Variants in PIWIL2 observed in about 807,000 individuals in gnomAD.
The protein encoded by PIWIL2 is piwi like RNA-mediated gene silencing 2.
PIWIL2 carries 81 observed loss-of-function variants against 116.5 expected under a neutral mutation model. The observed-to-expected ratio is 0.70, with a 90% CI of 0.58 to 0.84. The LOEUF is 0.84. Among genes scored for constraint, PIWIL2 ranks in the 40% least tolerant of loss-of-function variants. The pLI is 0.00. For synonymous variants in PIWIL2, 489 were observed against 429.5 expected, an observed-to-expected ratio of 1.14 and a Z score of -1.71; for missense variants, 1,272 against 1,212.3, an observed-to-expected ratio of 1.05 and a Z score of -0.73.
At chr8:22,327,333 T>A (rs1831747959) in intron 20 of PIWIL2, among the ~76,000 whole-genome samples, 1 of 150,644 alleles carries the variant, frequency 6.6e-6, no homozygotes, top group Non-Finnish European at 1.5e-5. Context: ...TCAGTTTTTT[T>A]AAATCATCAC....
intron 16 of PIWIL2, 147 bp from the exon 17 acceptor site, chr8:22,314,181 G>A: frequency 7.0e-6 from 3 of 429,240 alleles, no homozygotes; most frequent in Non-Finnish European, 1.3e-5. Flanking sequence ...CCTTGTTCTG[G>A]TTGGAATGTC....
At chr8:22,283,330 G>A in intron 5 of PIWIL2, 90 bp downstream of exon 5, 2 of 996,928 alleles carry the variant, frequency 2.0e-6, no homozygotes, top group South Asian at 1.4e-5. Context: ...ATCTGTTTGT[G>A]TTGGGTCCTC....
At chr8:22,329,543 A>G (rs1314338082) in intron 20 of PIWIL2, among the ~76,000 whole-genome samples, 1 of 152,258 alleles carries the variant, frequency 6.6e-6, no homozygotes, top group African/African-American at 2.4e-5. Context: ...GTAAACTCAA[A>G]GCAAGAGCTC....
At chr8:22,325,177 A>G (rs371013963) in intron 20 of PIWIL2, among the ~76,000 whole-genome samples, 14 of 152,294 alleles carry the variant, frequency 9.2e-5, no homozygotes, top group African/African-American at 3.4e-4. Context: ...GCCCCCAGGG[A>G]AGAATTATAA....
chr8:22,350,135 A>C (rs974337471), intron 20 of PIWIL2, among the ~76,000 whole-genome samples: 2 of 152,196 alleles, frequency 1.3e-5, no homozygotes, highest in Admixed American at 6.5e-5. Context: ...AGAATTATCT[A>C]CCCACAAATG....
At chr8:22,333,414 C>T (rs1259823368) in intron 20 of PIWIL2, among the ~76,000 whole-genome samples, 2 of 152,006 alleles carry the variant, frequency 1.3e-5, no homozygotes, top group Non-Finnish European at 2.9e-5. Flanking sequence ...GAGTTCGAGA[C>T]CAGCCTGACC....
chr8:22,296,020 CTTTTTTTTTTTTTTTTTTTTTTTTTT>C (rs67357452), intron 10 of PIWIL2, among the ~76,000 whole-genome samples: 14 of 102,842 alleles, frequency 1.4e-4, no homozygotes, highest in Non-Finnish European at 2.0e-4. Flanking sequence ...CTCTTCCCTT[CTTTTTTTTTTTTTTTTTTTTTTTTTT>C]TTTTTTTTTT....
chr8:22,290,406 C>T, intron 10 of PIWIL2, 60 bp downstream of exon 10: 1 of 919,044 alleles, frequency 1.1e-6, no homozygotes, highest in Non-Finnish European at 1.8e-6. Context: ...AGTTCAGTAA[C>T]AGCTGGTAAT....
rs182940199 is a variant in PIWIL2 at position 22,332,402 on chromosome 8, G to T, written c.2403+14127G>T. Reference sequence around the variant, plus strand: ...TACATAAGAAGTGGCTCAGAAGGAGGTTAAAGAAGGCAGAAACATCTGAAA... The same window carrying T: ...TACATAAGAAGTGGCTCAGAAGGAGTTTAAAGAAGGCAGAAACATCTGAAA... On this transcript the variant is annotated intron_variant, in intron 20 of 22. Transcript: ENST00000356766. Among the ~76,000 whole-genome samples, 30 of 152,150 alleles carry T rather than the reference G, an allele frequency of 2.0e-4. 1 individual carries two copies. The East Asian group carries it at 5.0e-3, about 25-fold the overall frequency.
At chr8:22,292,277 C>T (rs1397007428) in intron 10 of PIWIL2, among the ~76,000 whole-genome samples, 1 of 151,172 alleles carries the variant, frequency 6.6e-6, no homozygotes, top group African/African-American at 2.4e-5. Context: ...CCAACTTGGA[C>T]TGTTGAAAGG....
chr8:22,346,889 T>G (rs1022915510), intron 20 of PIWIL2, among the ~76,000 whole-genome samples: 1 of 151,402 alleles, frequency 6.6e-6, no homozygotes, highest in Admixed American at 6.6e-5. Context: ...CTAAGGAAAA[T>G]TTTTAGTTGG....
At chr8:22,351,162 A>G (rs1406975867) in intron 20 of PIWIL2, among the ~76,000 whole-genome samples, 1 of 151,268 alleles carries the variant, frequency 6.6e-6, no homozygotes, top group Non-Finnish European at 1.5e-5. Context: ...AAAAAAAATA[A>G]TTAATTAATT....
At chr8:22,348,498 G>A (rs1433747196) in intron 20 of PIWIL2, among the ~76,000 whole-genome samples, 2 of 152,148 alleles carry the variant, frequency 1.3e-5, no homozygotes, top group Non-Finnish European at 2.9e-5. Context: ...TGTTGCTTTC[G>A]AGAACATTCA....
chr8:22,310,093 G>C lies in PIWIL2; in HGVS notation c.1800+19G>C. The C allele has an allele frequency of 1.5e-6, 2 of 1,294,480 alleles. No individual in the cohort carries two copies. The highest frequency in any genetic ancestry group is 1.4e-5 in the African/African-American group (1 of 69,156). The allele number at this position is 1,294,480 out of a possible 1,614,324, so 80.2% of individuals were successfully genotyped here. A position where few individuals can be genotyped will look rare whatever the true frequency, so the allele number is the denominator to read the frequency against. ...CTTGACTGTAAGTGATTTTTGAAGT[G>C]ATAAAGAGAGGACCAGTATTCCCCA... On this transcript the variant is annotated intron_variant, in intron 15 of 22. Coordinates refer to ENST00000356766, the MANE Select transcript of PIWIL2 (RefSeq NM_018068.5).
chr8:22,332,236 C>T (rs1171110565), intron 20 of PIWIL2, among the ~76,000 whole-genome samples: 1 of 152,048 alleles, frequency 6.6e-6, no homozygotes, highest in Admixed American at 6.6e-5. Context: ...ACCTGGGAGG[C>T]AGGCAGAGGT....
intron 10 of PIWIL2, among the ~76,000 whole-genome samples, chr8:22,298,876 A>G (rs1356089637): frequency 1.3e-5 from 2 of 152,190 alleles, no homozygotes; most frequent in African/African-American, 4.8e-5. Context: ...CCTGAGAGGT[A>G]TGCGTATTGG....
chr8:22,341,587 C>G (rs552222505), intron 20 of PIWIL2, among the ~76,000 whole-genome samples: 56 of 130,876 alleles, frequency 4.3e-4, no homozygotes, highest in Non-Finnish European at 6.4e-4. Context: ...AACAGCGAAA[C>G]TCCGTCTCAA....
intron 16 of PIWIL2, 95 bp from the exon 17 acceptor site, chr8:22,314,233 A>G (rs541465217): frequency 1.3e-5 from 7 of 531,860 alleles, no homozygotes; most frequent in South Asian, 9.3e-5. Flanking sequence ...TAAAGGTCCT[A>G]TGGCTTTGCA....
At chr8:22,313,263 A>G (rs986822216) in intron 16 of PIWIL2, among the ~76,000 whole-genome samples, 6 of 152,214 alleles carry the variant, frequency 3.9e-5, no homozygotes, top group Non-Finnish European at 7.3e-5. Flanking sequence ...GAGCCTGATA[A>G]GGAGTATAAA....
Sources: allele counts gnomAD v4.1 joint callset (sites outside exome capture counted in the v4.1 genomes callset), GRCh38; gene constraint gnomAD v4.1.1; transcripts MANE v1.5; gene names NCBI Gene and HGNC (gene_info 2026-07-23, HGNC 2026-07-21).